The following UNC13C variants were observed in gnomAD, a reference collection of about 807,000 sequenced individuals.
The protein encoded by UNC13C is protein unc-13 homolog C.
UNC13C carries 174 observed loss-of-function variants against 245.4 expected under a neutral mutation model. That is an observed-to-expected ratio of 0.71 (90% CI 0.63 to 0.80). The LOEUF is 0.80. Ranked by LOEUF, UNC13C falls within the 30% of genes least tolerant of loss-of-function variation. UNC13C has a pLI of 0.00. For missense variants in UNC13C, 2,829 were observed against 2,602.9 expected, an observed-to-expected ratio of 1.09 and a Z score of -1.89; for synonymous variants, 992 against 895.1, an observed-to-expected ratio of 1.11 and a Z score of -1.93.
intron 10 of UNC13C, among the ~76,000 whole-genome samples, chr15:54,280,249 G>A (rs912656804): frequency 1.3e-5 from 2 of 151,830 alleles, no homozygotes; most frequent in Non-Finnish European, 2.9e-5. Context: ...AAATAAATTA[G>A]GACACAGTAA....
intron 1 of UNC13C, among the ~76,000 whole-genome samples, chr15:53,983,506 T>C (rs1595677077): frequency 6.6e-6 from 1 of 152,138 alleles, no homozygotes; most frequent in Non-Finnish European, 1.5e-5. Context: ...TGATTCTTTT[T>C]AGAAAATAAT....
chr15:54,550,152 C>T (rs75338046), intron 28 of UNC13C, among the ~76,000 whole-genome samples: 1 of 152,060 alleles, frequency 6.6e-6, no homozygotes, highest in Non-Finnish European at 1.5e-5. Context: ...AGTCCCTGTT[C>T]CTCTAGCATA....
downstream of UNC13C, chr15:54,632,426 T>A (rs2141333544): frequency 6.6e-6 from 1 of 152,308 alleles, no homozygotes; most frequent in East Asian, 1.9e-4. Flanking sequence ...GCCAAAAAGA[T>A]TTTTTTCTCC....
At chr15:54,550,904 T>C (rs896536345) in intron 28 of UNC13C, among the ~76,000 whole-genome samples, 5 of 152,188 alleles carry the variant, frequency 3.3e-5, no homozygotes, top group Non-Finnish European at 1.5e-5. Flanking sequence ...TAGGTCTTAC[T>C]ACAAAAGAAA....
At chr15:54,321,351 C>T (rs2038153092) in intron 13 of UNC13C, 1 of 476,270 alleles carries the variant, frequency 2.1e-6, no homozygotes, top group South Asian at 1.6e-5. Flanking sequence ...TTTAATGCCA[C>T]CCACCAAGAT....
chr15:53,985,097 C>G (rs111959741), intron 1 of UNC13C, among the ~76,000 whole-genome samples: 1 of 151,786 alleles, frequency 6.6e-6, no homozygotes, highest in Non-Finnish European at 1.5e-5. Context: ...TCCCTCCCCT[C>G]AATCCCCACC....
intron 19 of UNC13C, among the ~76,000 whole-genome samples, chr15:54,448,867 C>T (rs1310256443): frequency 3.3e-5 from 5 of 152,132 alleles, no homozygotes; most frequent in East Asian, 1.9e-4. Context: ...TTCTTCCTAG[C>T]CTCGATGGTC....
intron 32 of UNC13C, 57 bp downstream of exon 32, chr15:54,624,011 C>T (rs1437360214): frequency 6.3e-7 from 1 of 1,598,490 alleles, no homozygotes; most frequent in African/African-American, 1.3e-5. Flanking sequence ...GTACAGCTGA[C>T]CTTACTGAGG....
At chr15:54,161,236 C>T (rs2032960508) in intron 4 of UNC13C, among the ~76,000 whole-genome samples, 1 of 152,108 alleles carries the variant, frequency 6.6e-6, no homozygotes, top group Non-Finnish European at 1.5e-5. Context: ...ATAGCCGAGA[C>T]CACAGGTGCA....
chr15:53,976,885 A>C (rs2140940269), upstream of UNC13C: 1 of 152,298 alleles, frequency 6.6e-6, no homozygotes, highest in African/African-American at 2.4e-5. Flanking sequence ...TCTATGTATT[A>C]AAACACGTTC....
chr15:54,444,214 TCTC>T (rs1232733793), intron 19 of UNC13C, among the ~76,000 whole-genome samples: 12 of 151,844 alleles, frequency 7.9e-5, no homozygotes, highest in African/African-American at 2.6e-4. Context: ...AAATATGACT[TCTC>T]CTGCTCAATT....
At chr15:54,576,772 T>C (rs988438554) in intron 30 of UNC13C, among the ~76,000 whole-genome samples, 2 of 152,142 alleles carry the variant, frequency 1.3e-5, no homozygotes, top group African/African-American at 4.8e-5. Flanking sequence ...CCTAGCACAG[T>C]GAGTCATTTT....
intron 4 of UNC13C, among the ~76,000 whole-genome samples, chr15:54,154,766 T>G (rs1254971067): frequency 2.6e-5 from 4 of 152,212 alleles, no homozygotes; most frequent in Non-Finnish European, 5.9e-5. Context: ...TGAGAATTCA[T>G]GTTAGAGGTC....
chr15:54,256,342 A>G (rs1466918300), intron 8 of UNC13C, among the ~76,000 whole-genome samples: 2 of 152,218 alleles, frequency 1.3e-5, no homozygotes, highest in Non-Finnish European at 2.9e-5. Context: ...GGACAATTCT[A>G]CGATATTGTG....
chr15:54,566,409 C>T (rs913342463), intron 29 of UNC13C, among the ~76,000 whole-genome samples: 1 of 152,000 alleles, frequency 6.6e-6, no homozygotes, highest in Admixed American at 6.6e-5. Flanking sequence ...AGGTGTAGAA[C>T]AATTTAAAAC....
intron 19 of UNC13C, among the ~76,000 whole-genome samples, chr15:54,463,870 T>A (rs1892020535): frequency 6.6e-6 from 1 of 152,018 alleles, no homozygotes; most frequent in East Asian, 1.9e-4. Context: ...TGACAGAGGG[T>A]AAGACCATGG....
chr15:53,860,716 C>T, the UNC13C span, among the ~76,000 whole-genome samples: 1 of 152,120 alleles, frequency 6.6e-6, no homozygotes, highest in Non-Finnish European at 1.5e-5. Context: ...ATCTTTTAGA[C>T]TTTTTTTCTG....
chr15:54,199,695 A>T (rs570596484), intron 4 of UNC13C, among the ~76,000 whole-genome samples: 1 of 152,280 alleles, frequency 6.6e-6, no homozygotes, highest in Non-Finnish European at 1.5e-5. Flanking sequence ...GAGGAGCTCT[A>T]AATCTTGAGA....
intron 1 of UNC13C, among the ~76,000 whole-genome samples, chr15:54,003,512 C>G (rs933970234): frequency 4.6e-5 from 7 of 152,098 alleles, no homozygotes; most frequent in Admixed American, 6.5e-5. Context: ...GTGGACTGTT[C>G]CCATTCTCAG....
Sources: gnomAD v4.1 joint callset for allele counts (sites outside exome capture counted in the v4.1 genomes callset) on GRCh38, gnomAD v4.1.1 for gene constraint, MANE v1.5 for transcripts, NCBI Gene and HGNC (gene_info 2026-07-23, HGNC 2026-07-21) for gene names.